The following AFG2A variants were observed in gnomAD, a reference collection of about 807,000 sequenced individuals.
AFG2A encodes AAA ATPase AFG2A, also known as ATPase family gene 2 protein homolog A.
the AFG2A span, among the ~76,000 whole-genome samples, chr4:123,259,590 C>T: frequency 6.6e-6 from 1 of 151,798 alleles, no homozygotes; most frequent in Non-Finnish European, 1.5e-5. Flanking sequence ...AAGGGAATTT[C>T]TCTCAGGAGG....
the AFG2A span, among the ~76,000 whole-genome samples, chr4:123,114,179 A>T: frequency 6.6e-6 from 1 of 151,858 alleles, no homozygotes; most frequent in African/African-American, 2.4e-5. Flanking sequence ...GGCTTTTATG[A>T]GCCTCAGAGG....
chr4:123,047,358 C>A, the AFG2A span, among the ~76,000 whole-genome samples: 2 of 56,358 alleles, frequency 3.5e-5, no homozygotes, highest in Non-Finnish European at 1.5e-4. Flanking sequence ...TGATGTCGAA[C>A]ATTTTTTCAT....
the AFG2A span, among the ~76,000 whole-genome samples, chr4:123,044,942 A>G: frequency 2.0e-5 from 3 of 151,652 alleles, no homozygotes; most frequent in Admixed American, 6.6e-5. Context: ...TATGTTTTCT[A>G]TCTTTTCCTC....
At chr4:123,293,767 A>G in the AFG2A span, among the ~76,000 whole-genome samples, 2 of 152,286 alleles carry the variant, frequency 1.3e-5, no homozygotes, top group African/African-American at 4.8e-5. Flanking sequence ...GGGCAGAGAC[A>G]CTCTGCCTGA....
At chr4:123,273,725 A>T in the AFG2A span, among the ~76,000 whole-genome samples, 1 of 152,176 alleles carries the variant, frequency 6.6e-6, no homozygotes, top group East Asian at 1.9e-4. Context: ...GCACACGATT[A>T]TTTATTGTAT....
the AFG2A span, among the ~76,000 whole-genome samples, chr4:122,974,753 G>T: frequency 1.2e-4 from 19 of 152,106 alleles, no homozygotes; most frequent in Middle Eastern, 3.4e-3. Flanking sequence ...CGATTCTCCT[G>T]CCTCAGCCTC....
chr4:123,074,271 T>G, the AFG2A span, among the ~76,000 whole-genome samples: 7 of 151,872 alleles, frequency 4.6e-5, no homozygotes, highest in Non-Finnish European at 2.9e-5. Context: ...ATTTTCGTAT[T>G]TTTTAATAGA....
the AFG2A span, among the ~76,000 whole-genome samples, chr4:123,201,208 G>A: frequency 6.6e-6 from 1 of 152,144 alleles, no homozygotes; most frequent in East Asian, 1.9e-4. Flanking sequence ...GTTCACCTTA[G>A]ACTTACAAAT....
chr4:123,052,708 T>C, the AFG2A span, among the ~76,000 whole-genome samples: 1 of 152,182 alleles, frequency 6.6e-6, no homozygotes, highest in Non-Finnish European at 1.5e-5. Flanking sequence ...ACAGAACTAA[T>C]AGGATTATGT....
chr4:122,987,879 T>G, the AFG2A span, among the ~76,000 whole-genome samples: 1 of 152,220 alleles, frequency 6.6e-6, no homozygotes, highest in African/African-American at 2.4e-5. Flanking sequence ...ATTCTGGGTT[T>G]GTATTCTTAC....
the AFG2A span, among the ~76,000 whole-genome samples, chr4:123,058,540 G>T: frequency 1.1e-4 from 16 of 152,156 alleles, no homozygotes; most frequent in Non-Finnish European, 1.9e-4. Context: ...CAGGAGAATT[G>T]CTTGAGCCCA....
At chr4:123,132,597 CATATAT>C in the AFG2A span, among the ~76,000 whole-genome samples, 1 of 140,360 alleles carries the variant, frequency 7.1e-6, no homozygotes, top group Non-Finnish European at 1.5e-5. Flanking sequence ...GATGTGTGTA[CATATAT>C]ATATATATAT....
At chr4:123,256,041 A>G in the AFG2A span, 3 of 1,614,076 alleles carry the variant, frequency 1.9e-6, no homozygotes, top group Non-Finnish European at 2.5e-6. Context: ...GGAAGAATTG[A>G]TAGAATCATC....
chr4:122,966,324 C>G, the AFG2A span, among the ~76,000 whole-genome samples: 65,345 of 152,044 alleles, frequency 0.43, 17,013 homozygotes, highest in Non-Finnish European at 0.57. Context: ...TTCTAACAAT[C>G]CACCATACTT....
the AFG2A span, among the ~76,000 whole-genome samples, chr4:123,149,066 G>A: frequency 6.6e-6 from 1 of 152,044 alleles, no homozygotes; most frequent in African/African-American, 2.4e-5. Context: ...ACGGCGCCTG[G>A]CACACACACA....
the AFG2A span, among the ~76,000 whole-genome samples, chr4:123,310,969 A>G: frequency 6.6e-6 from 1 of 152,200 alleles, no homozygotes; most frequent in African/African-American, 2.4e-5. Context: ...TCCTCTACAC[A>G]GAAGAAGTCA....
chr4:122,993,767 A>T, the AFG2A span, among the ~76,000 whole-genome samples: 1 of 151,970 alleles, frequency 6.6e-6, no homozygotes, highest in South Asian at 2.1e-4. Context: ...CTTTATTGTC[A>T]GAAATTGATA....
At chr4:123,277,973 T>G in the AFG2A span, among the ~76,000 whole-genome samples, 1 of 152,212 alleles carries the variant, frequency 6.6e-6, no homozygotes, top group Non-Finnish European at 1.5e-5. Flanking sequence ...GGTATCACAA[T>G]GATGCTGGCC....
At chr4:123,166,258 A>G in the AFG2A span, among the ~76,000 whole-genome samples, 1 of 152,230 alleles carries the variant, frequency 6.6e-6, no homozygotes, top group East Asian at 1.9e-4. Flanking sequence ...CTTCAGACAC[A>G]GCCAGGATAT....
Sources: allele counts gnomAD v4.1 joint callset (sites outside exome capture counted in the v4.1 genomes callset), GRCh38; gene constraint gnomAD v4.1.1; transcripts MANE v1.5; gene names NCBI Gene and HGNC (gene_info 2026-07-23, HGNC 2026-07-21).